The following SYNE1 variants were observed in gnomAD, a reference collection of about 807,000 sequenced individuals.
The protein encoded by SYNE1 is spectrin repeat containing nuclear envelope protein 1, also known as nesprin-1.
A neutral mutation model predicts 1,111.0 loss-of-function variants in SYNE1; 616 were observed. The observed-to-expected ratio is 0.55, with a 90% confidence interval of 0.52 to 0.59. SYNE1 has a LOEUF of 0.59. Among genes scored for constraint, SYNE1 ranks in the 20% least tolerant of loss-of-function variants. SYNE1 has a pLI of 0.00. For missense variants in SYNE1, 10,006 were observed against 10,417.0 expected (o/e 0.96, Z 1.72); for synonymous variants, 3,855 against 3,825.8 (o/e 1.01, Z -0.28).
Position 152,501,203 on chromosome 6 carries a change from C to T in SYNE1, c.888+1430G>A, listed in dbSNP as rs2099027993. ...TTAATTTAAAATTCCGCAGTGAATC[C>T]ACCTCTCTATGTAATTAAAAATAGA... On this transcript the variant is annotated intron_variant, in intron 10 of 145. Transcript: ENST00000367255. Among the ~76,000 whole-genome samples the T allele has an allele frequency of 2.6e-5, 4 of 151,720 alleles. No individual in the cohort carries two copies. In the South Asian group the frequency reaches 8.3e-4, roughly 32 times the overall value.
intron 82 of SYNE1, 26 bp from the exon 83 acceptor site, chr6:152,321,912 C>T: frequency 6.2e-7 from 1 of 1,613,934 alleles, no homozygotes; most frequent in Non-Finnish European, 8.5e-7. Flanking sequence ...AGGGATAAAA[C>T]AGAAGTGAAG....
intron 130 of SYNE1, among the ~76,000 whole-genome samples, chr6:152,171,681 C>T (rs1172068917): frequency 6.6e-6 from 1 of 152,132 alleles, no homozygotes; most frequent in Non-Finnish European, 1.5e-5. Context: ...CAGTGAGGAA[C>T]GCTTGTGTAC....
intron 5 of SYNE1, among the ~76,000 whole-genome samples, chr6:152,522,263 C>T (rs373608072): frequency 3.3e-5 from 5 of 151,994 alleles, no homozygotes; most frequent in East Asian, 1.9e-4. Context: ...TATATGCCTT[C>T]GTGTACCCAT....
Position 152,450,834 on chromosome 6 carries a change from C to G in SYNE1, c.3187-1G>C. 6.2e-7 allele frequency: 1 copy of G among 1,613,742 alleles called. No homozygotes were observed. The highest frequency in any genetic ancestry group is 1.1e-5 in the South Asian group (1 of 91,070). On this transcript the variant is annotated splice_acceptor_variant, in intron 26 of 145. Transcript: ENST00000367255. LOFTEE classifies it high-confidence loss of function. Reference sequence around the variant, plus strand: ...GAGGACCTTTGTCACTGAAGAAAACCTAATGTGTAATAAATGTTTTTATAA... The same window carrying G: ...GAGGACCTTTGTCACTGAAGAAAACGTAATGTGTAATAAATGTTTTTATAA...
chr6:152,321,536 TA>T, intron 83 of SYNE1, 146 bp from the exon 84 acceptor site: 1 of 1,278,822 alleles, frequency 7.8e-7, no homozygotes, highest in South Asian at 1.4e-5. Context: ...TCTCTGAATA[TA>T]AAGTATGTTC....
chr6:152,219,022 T>C lies in SYNE1; in HGVS notation c.22025A>G (p.Lys7342Arg). 1 of 1,614,078 alleles carries C rather than the reference T, an allele frequency of 6.2e-7. No individual in the cohort carries two copies. Among genetic ancestry groups the C allele is most frequent in the East Asian group, 2.2e-5 (1 of 44,874 alleles). The change falls in exon 120 of 146, where the codon AAA (lysine) becomes AGA (arginine). Residue 7342 changes from lysine (K) to arginine (R), a missense_variant. By Grantham distance (26) the Lys-to-Arg change is conservative (BLOSUM62 2). Around this residue, in one of 7 missense-constraint regions of SYNE1, gnomAD observed 2,182 missense variants for 2,287.8 expected, o/e 0.95. Coordinates refer to ENST00000367255, the MANE Select transcript of SYNE1 (RefSeq NM_182961.4). Reference protein sequence around the residue: ...HLCALEQALCKQQTSLQAGVL... With the variant: ...HLCALEQALCRQQTSLQAGVL... ...CTGTACCTGTAATGAAGTCTGCTGT[T>C]TGCAGAGAGCTTGCTCCAGGGCACA...
intron 131 of SYNE1, among the ~76,000 whole-genome samples, chr6:152,159,205 T>A (rs1160692358): frequency 6.6e-6 from 1 of 152,210 alleles, no homozygotes; most frequent in East Asian, 1.9e-4. Flanking sequence ...TAAAATAAAA[T>A]GTATCAAGCC....
At chr6:152,634,225 A>G (rs1408453466) in intron 2 of SYNE1, among the ~76,000 whole-genome samples, 1 of 152,264 alleles carries the variant, frequency 6.6e-6, no homozygotes, top group Non-Finnish European at 1.5e-5. Flanking sequence ...TGCAATGACC[A>G]GAGACAACGT....
At chr6:152,189,433 C>A (rs1195340109) in intron 127 of SYNE1, 26 bp from the exon 128 acceptor site, 7 of 1,611,874 alleles carry the variant, frequency 4.3e-6, no homozygotes, top group Middle Eastern at 3.3e-4. Context: ...AACTTGAATA[C>A]CCACGGACAT....
chr6:152,206,133 G>C (rs79289308), intron 126 of SYNE1, 35 bp downstream of exon 126: 128 of 1,602,058 alleles, frequency 8.0e-5, no homozygotes, highest in Middle Eastern at 6.3e-4. Context: ...CGACTAAAAG[G>C]GTTTTTTGGT....
At position 152,278,255 on chromosome 6, in the gene SYNE1, T is replaced by C; in HGVS notation, c.18407A>G (p.Lys6136Arg). 6.2e-7 allele frequency: 1 copy of C among 1,614,186 alleles called. No individual in the cohort carries two copies. The highest frequency in any genetic ancestry group is 8.5e-7 in the Non-Finnish European group (1 of 1,180,048). ...CQNMLVEIEQ[K>R]VVALSELSVH... ...TGACAGTTCTGATAAAGCCACCACC[T>C]TCTGCTCTATTTCCACCAGCATATT... is the stretch of plus-strand genomic sequence containing the variant. Residue 6136 changes from lysine to arginine, a missense_variant, in exon 98 of 146, where the codon AAG becomes AGG. Transcript: ENST00000367255.
chr6:152,253,505 C>T (rs1351865926), intron 104 of SYNE1, among the ~76,000 whole-genome samples: 2 of 152,058 alleles, frequency 1.3e-5, no homozygotes, highest in Admixed American at 6.6e-5. Context: ...GAAGTCAAGC[C>T]GCAAAGTTAT....
At chr6:152,372,876 T>C (rs1300698160) in intron 59 of SYNE1, among the ~76,000 whole-genome samples, 161 bp downstream of exon 59, 1 of 152,210 alleles carries the variant, frequency 6.6e-6, no homozygotes, top group Non-Finnish European at 1.5e-5. Flanking sequence ...CTTCTAGCAT[T>C]GGGCTATTCC....
At chr6:152,503,071 C>A (rs2099038524) in intron 9 of SYNE1, among the ~76,000 whole-genome samples, 1 of 152,070 alleles carries the variant, frequency 6.6e-6, no homozygotes, top group South Asian at 2.1e-4. Context: ...TACAGTATCT[C>A]ATACTAGTTC....
rs556348409 is a variant in SYNE1 at position 152,460,517 on chromosome 6, G to T, written c.2394+1080C>A. 3.3e-5 allele frequency among the ~76,000 whole-genome samples: 5 copies of T among 151,918 alleles called. No homozygotes were observed. The South Asian group carries it at 1.0e-3, about 32-fold the overall frequency. ...CTACCTTTCTTTCCTATTTAACAGGGTCTTCTACTTTGTTTCTACTTTGTT... is the reference window on the plus strand; with the variant it reads ...CTACCTTTCTTTCCTATTTAACAGGTTCTTCTACTTTGTTTCTACTTTGTT... On this transcript the variant is annotated intron_variant, in intron 21 of 145. Transcript: ENST00000367255.
Position 152,416,716 on chromosome 6 carries a change from CT to C in SYNE1, c.5720del (p.Lys1907ArgfsTer13). On this transcript the variant is annotated frameshift_variant, in exon 41 of 146. Transcript: ENST00000367255. LOFTEE classifies it high-confidence loss of function. ...MNKNESDLIE[K>X]DLNDALQNAK... is the part of the protein sequence containing the mutation. ...CATTTTGAAGAGCATCATTGAGGTC[CT>C]TTTCTATCAAATCAGACTCGTTCTT... 1 of 1,614,200 alleles carries C rather than the reference CT, an allele frequency of 6.2e-7. No individual in the cohort carries two copies. The highest frequency in any genetic ancestry group is 8.5e-7 in the Non-Finnish European group (1 of 1,180,042).
At chr6:152,257,500 C>T (rs1212028700) in intron 101 of SYNE1, among the ~76,000 whole-genome samples, 4 of 152,158 alleles carry the variant, frequency 2.6e-5, no homozygotes, top group Admixed American at 6.5e-5. Flanking sequence ...CACTGCACTC[C>T]AGCGTGGGCA....
intron 65 of SYNE1, 114 bp from the exon 66 acceptor site, chr6:152,358,651 T>C: frequency 2.0e-6 from 2 of 975,944 alleles, no homozygotes; most frequent in Non-Finnish European, 3.1e-6. Context: ...GACATTAGAA[T>C]ATGAGTTATT....
rs749571011 is a variant in SYNE1 at position 152,430,144 on chromosome 6, T to G, written c.4756A>C (p.Thr1586Pro). 3.1e-6 allele frequency: 5 copies of G among 1,603,548 alleles called. No homozygotes were observed. In the East Asian group the frequency reaches 9.0e-5, roughly 29 times the overall value. ...AVPIKICSSATETYKVLQEHM... is the reference protein window; with the variant it reads ...AVPIKICSSAPETYKVLQEHM... ...TCTTGAAGAACTTTGTATGTTTCTG[T>G]AGCTGAAGAACATATTTTAATTGGA... Residue 1586 changes from threonine (T) to proline (P), a missense_variant, in exon 36 of 146, where the codon ACA becomes CCA. Transcript: ENST00000367255.
Sources: allele counts gnomAD v4.1 joint callset (sites outside exome capture counted in the v4.1 genomes callset), GRCh38; gene constraint gnomAD v4.1.1; regional missense constraint gnomAD v4.1.1; transcripts MANE v1.5; gene names NCBI Gene and HGNC (gene_info 2026-07-23, HGNC 2026-07-21).